DNAI7: variants seen among roughly 807,000 people sequenced by gnomAD.
The protein encoded by DNAI7 is cancer susceptibility 1.
In DNAI7, 78 loss-of-function variants were observed where a neutral mutation model predicts 86.6. That is an observed-to-expected ratio of 0.90 (90% CI 0.75 to 1.09). The LOEUF (loss-of-function observed/expected upper bound fraction) is 1.09. Among genes scored for constraint, DNAI7 ranks in the 50% least tolerant of loss-of-function variants. The pLI, the probability that DNAI7 is intolerant of heterozygous loss-of-function variation, is 0.00. For synonymous variants in DNAI7, 274 were observed against 273.0 expected, an observed-to-expected ratio of 1.00 and a Z score of -0.04; for missense variants, 753 against 810.2, an observed-to-expected ratio of 0.93 and a Z score of 0.86.
intron 3 of DNAI7, 94 bp from the exon 4 acceptor site, chr12:25,158,657 G>A (rs1165255764): frequency 1.5e-5 from 23 of 1,510,484 alleles, no homozygotes; most frequent in Non-Finnish European, 2.0e-5. Context: ...ATGTAGTGGT[G>A]GAATCTTTTA....
chr12:25,181,965 G>A (rs1262795388), intron 2 of DNAI7, among the ~76,000 whole-genome samples: 2 of 151,510 alleles, frequency 1.3e-5, no homozygotes, highest in East Asian at 1.9e-4. Context: ...ATTTATTAAA[G>A]AATTTAAAAT....
At chr12:25,156,751 T>A (rs928660307) in intron 4 of DNAI7, among the ~76,000 whole-genome samples, 4 of 150,770 alleles carry the variant, frequency 2.7e-5, no homozygotes, top group African/African-American at 4.9e-5. Context: ...AAAAAAAAAA[T>A]GAAAAAATCT....
chr12:25,123,023 T>C (rs1941562107), intron 10 of DNAI7, among the ~76,000 whole-genome samples, 188 bp downstream of exon 10: 1 of 152,166 alleles, frequency 6.6e-6, no homozygotes, highest in Admixed American at 6.5e-5. Flanking sequence ...TATTAGAAAT[T>C]AAGAGAGACA....
intron 2 of DNAI7, among the ~76,000 whole-genome samples, chr12:25,173,819 A>T (rs369366192): frequency 1.4e-5 from 2 of 146,504 alleles, no homozygotes; most frequent in African/African-American, 2.6e-5. Context: ...ATATATATAC[A>T]TCATATATAT....
At position 25,135,751 on chromosome 12, in the gene DNAI7, G is replaced by A. The variant is rs536505712; in HGVS notation, c.1002+8614C>T. ...GCTGACTTTCCCCCACCTCTCTGGC[G>A]GCCTGTATGACACAGCAGAGGCAGC... On this transcript the variant is annotated intron_variant, in intron 9 of 15. Transcript: ENST00000395987. 2.7e-4 allele frequency among the ~76,000 whole-genome samples: 41 copies of A among 151,338 alleles called. 1 individual carries two copies. Among genetic ancestry groups the A allele is most frequent in the South Asian group, 1.1e-3 (5 of 4,748 alleles).
At chr12:25,140,378 A>G (rs2140784726) in intron 9 of DNAI7, among the ~76,000 whole-genome samples, 1 of 152,328 alleles carries the variant, frequency 6.6e-6, no homozygotes, top group South Asian at 2.1e-4. Context: ...TACACAAATC[A>G]GTAGCACTGC....
intron 8 of DNAI7, among the ~76,000 whole-genome samples, chr12:25,145,615 G>A (rs1386019294): frequency 1.3e-5 from 2 of 152,064 alleles, no homozygotes. Context: ...ATAGCAAATG[G>A]AAGGAACTTA....
intron 9 of DNAI7, among the ~76,000 whole-genome samples, chr12:25,131,004 A>G (rs1299681900): frequency 6.6e-6 from 1 of 152,184 alleles, no homozygotes; most frequent in East Asian, 1.9e-4. Context: ...ATTACCTAAC[A>G]TATCAAACAT....
intron 8 of DNAI7, among the ~76,000 whole-genome samples, chr12:25,146,578 C>T (rs927100719): frequency 5.1e-5 from 7 of 136,852 alleles, no homozygotes; most frequent in Non-Finnish European, 6.2e-5. Context: ...CCAGCCTGGA[C>T]GACAGAGCAA....
chr12:25,190,670 G>A (rs1257071734), intron 1 of DNAI7, 39 bp from the exon 2 acceptor site: 1 of 1,227,246 alleles, frequency 8.1e-7, no homozygotes, highest in South Asian at 1.6e-5. Context: ...CAATTTTAAA[G>A]ACAATTCTGA....
intron 2 of DNAI7, among the ~76,000 whole-genome samples, chr12:25,189,453 C>CA (rs2141373335): frequency 6.6e-6 from 1 of 152,176 alleles, no homozygotes; most frequent in East Asian, 1.9e-4. Flanking sequence ...CCAGCCTGGC[C>CA]AACAAAGTGA....
At position 25,121,409 on chromosome 12, in the gene DNAI7, G is replaced by A. The variant is rs1027588181; in HGVS notation, c.1239+344C>T. ...AGCTGCATCAGAGCTAGTAGGGACC[G>A]CGAAGGTGAAAATATTTACCATCTG... is the stretch of plus-strand genomic sequence containing the variant. On this transcript the variant is annotated intron_variant, in intron 11 of 15. Transcript: ENST00000395987. Among the ~76,000 whole-genome samples, 5 of 152,180 alleles carry A rather than the reference G, an allele frequency of 3.3e-5. No individual in the cohort carries two copies. In the East Asian group the frequency reaches 7.7e-4, roughly 23 times the overall value.
Position 25,119,179 on chromosome 12 carries a change from A to G in DNAI7, c.1362T>C (p.Phe454=). The part of the protein sequence containing the change: ...TLEVHENVIF[F]EDPVVVRWDA... ...CCCACCTTACAACCACAGGATCCTC[A>G]AAAAAGATTACATTCTCATGAACCT... Residue 454 remains phenylalanine (F), a synonymous_variant, in exon 12 of 16, where the codon TTT becomes TTC. Transcript: ENST00000395987. 1.2e-6 allele frequency: 2 copies of G among 1,610,108 alleles called. No homozygotes were observed. The highest frequency in any genetic ancestry group is 1.7e-6 in the Non-Finnish European group (2 of 1,178,754).
At chr12:25,134,646 T>G (rs1158990879) in intron 9 of DNAI7, among the ~76,000 whole-genome samples, 1 of 152,182 alleles carries the variant, frequency 6.6e-6, no homozygotes, top group Admixed American at 6.5e-5. Flanking sequence ...CATGAGCCAC[T>G]GCACCTGGCC....
intron 9 of DNAI7, among the ~76,000 whole-genome samples, chr12:25,124,042 G>GTGTGTGTGTGTGTA (rs1241857161): frequency 6.6e-5 from 10 of 151,370 alleles, no homozygotes; most frequent in African/African-American, 1.9e-4. Context: ...TTGTGTGTGT[G>GTGTGTGTGTGTGTA]TGTGTGTGTG....
At chr12:25,143,664 AAATC>A (rs1307799319) in intron 9 of DNAI7, among the ~76,000 whole-genome samples, 13 of 152,260 alleles carry the variant, frequency 8.5e-5, no homozygotes, top group Non-Finnish European at 1.6e-4. Context: ...TAAAGAAAAT[AAATC>A]AATAAACCAA....
chr12:25,107,936 C>G (rs866654633), downstream of DNAI7: 2 of 1,614,204 alleles, frequency 1.2e-6, no homozygotes, highest in Admixed American at 1.7e-5. Flanking sequence ...AGCTTCCTCA[C>G]AGGCCAATTA....
chr12:25,126,605 G>C (rs959716213), intron 9 of DNAI7, among the ~76,000 whole-genome samples: 1 of 151,976 alleles, frequency 6.6e-6, no homozygotes, highest in African/African-American at 2.4e-5. Context: ...TTAAGGTAGA[G>C]AGTGATAACA....
chr12:25,111,524 T>C (rs1292117511), intron 14 of DNAI7, among the ~76,000 whole-genome samples: 1 of 152,218 alleles, frequency 6.6e-6, no homozygotes, highest in Non-Finnish European at 1.5e-5. Flanking sequence ...TTGCTTAAAC[T>C]ACCTTTGCAC....
Sources: gnomAD v4.1 joint callset for allele counts (sites outside exome capture counted in the v4.1 genomes callset) on GRCh38, gnomAD v4.1.1 for gene constraint, MANE v1.5 for transcripts, NCBI Gene and HGNC (gene_info 2026-07-23, HGNC 2026-07-21) for gene names.